Variants in SYT9 observed in about 807,000 individuals in gnomAD.
SYT9 encodes the protein synaptotagmin-9.
SYT9 carries 22 observed loss-of-function variants against 48.4 expected under a neutral mutation model. That is an observed-to-expected ratio of 0.45 (90% confidence interval 0.32 to 0.65). The LOEUF (loss-of-function observed/expected upper bound fraction) is 0.65, where lower values mean the gene tolerates loss of function less well. Among genes scored for constraint, SYT9 ranks in the 30% least tolerant of loss-of-function variants. The probability of loss-of-function intolerance (pLI) is 0.03; values close to 1 mark genes in which losing one functional copy is unlikely to be tolerated. For missense variants in SYT9, 577 were observed against 622.0 expected, an observed-to-expected ratio of 0.93 and a Z score of 0.77; for synonymous variants, 265 against 245.0, an observed-to-expected ratio of 1.08 and a Z score of -0.76.
intron 6 of SYT9, chr11:7,435,702 C>T (rs1004180010): frequency 1.3e-5 from 2 of 152,170 alleles, no homozygotes; most frequent in African/African-American, 2.4e-5. Flanking sequence ...GCTGAAAGGC[C>T]GGGCGCAGTG....
At chr11:7,369,794 A>C (rs187156382) in intron 3 of SYT9, among the ~76,000 whole-genome samples, 33 of 143,956 alleles carry the variant, frequency 2.3e-4, no homozygotes, top group African/African-American at 3.3e-4. Flanking sequence ...CACACACACA[A>C]ACACACACAC....
intron 3 of SYT9, among the ~76,000 whole-genome samples, chr11:7,377,316 A>G (rs1589982822): frequency 6.6e-6 from 1 of 152,030 alleles, no homozygotes; most frequent in Non-Finnish European, 1.5e-5. Context: ...AGAGAGTGAG[A>G]GAGAATTATT....
intron 3 of SYT9, among the ~76,000 whole-genome samples, chr11:7,355,917 T>A (rs1245624719): frequency 6.6e-6 from 1 of 152,198 alleles, no homozygotes; most frequent in East Asian, 1.9e-4. Flanking sequence ...TTCCTGATTG[T>A]CTTGTGTCTA....
intron 3 of SYT9, among the ~76,000 whole-genome samples, chr11:7,339,647 G>T (rs541970687): frequency 2.2e-4 from 34 of 152,216 alleles, no homozygotes; most frequent in African/African-American, 7.5e-4. Flanking sequence ...CCTGGTTGAA[G>T]ATTTTTTTTT....
chr11:7,313,328 C>T (rs961756409), intron 2 of SYT9, 67 bp from the exon 3 acceptor site: 1 of 1,500,218 alleles, frequency 6.7e-7, no homozygotes, highest in Admixed American at 2.3e-5. Flanking sequence ...ACATCCCAGG[C>T]AAAAGTTTCT....
chr11:7,250,069 G>C (rs1424474189), upstream of SYT9, among the ~76,000 whole-genome samples: 1 of 152,052 alleles, frequency 6.6e-6, no homozygotes, highest in Non-Finnish European at 1.5e-5. Flanking sequence ...TGGCAACTCA[G>C]TTTCTACCTT....
chr11:7,420,462 A>C, intron 5 of SYT9, 44 bp from the exon 6 acceptor site: 3 of 1,609,482 alleles, frequency 1.9e-6, no homozygotes, highest in Non-Finnish European at 2.5e-6. Context: ...TTGATCTTAC[A>C]TACCAAAATT....
intron 1 of SYT9, among the ~76,000 whole-genome samples, chr11:7,243,421 T>A (rs1433953899): frequency 2.0e-5 from 3 of 152,216 alleles, no homozygotes; most frequent in Non-Finnish European, 4.4e-5. Flanking sequence ...TTTTCTATGG[T>A]CTCTGAATAA....
intron 1 of SYT9, among the ~76,000 whole-genome samples, chr11:7,287,647 C>G (rs7103951): frequency 0.077 from 11,750 of 152,190 alleles, 623 homozygotes; most frequent in African/African-American, 0.15. Flanking sequence ...TCTTAGAAGG[C>G]GAGAAGGCAT....
At chr11:7,421,936 C>G (rs927928588) in intron 6 of SYT9, among the ~76,000 whole-genome samples, 5 of 152,208 alleles carry the variant, frequency 3.3e-5, no homozygotes, top group Non-Finnish European at 5.9e-5. Flanking sequence ...TGAAGCATCT[C>G]TCCTTCATGC....
chr11:7,376,032 A>G (rs1850446590), intron 3 of SYT9, among the ~76,000 whole-genome samples: 1 of 152,050 alleles, frequency 6.6e-6, no homozygotes, highest in Non-Finnish European at 1.5e-5. Flanking sequence ...TAAAAGTAAC[A>G]GTTTTCACCA....
chr11:7,304,879 C>T (rs1460993008), intron 2 of SYT9, among the ~76,000 whole-genome samples: 3 of 152,128 alleles, frequency 2.0e-5, no homozygotes, highest in Non-Finnish European at 2.9e-5. Flanking sequence ...GATAGAGTCT[C>T]CATTGAAATT....
chr11:7,352,278 G>A (rs748015420), intron 3 of SYT9, among the ~76,000 whole-genome samples: 2 of 152,170 alleles, frequency 1.3e-5, no homozygotes, highest in Non-Finnish European at 2.9e-5. Flanking sequence ...TTTGTATTCA[G>A]TTGATGTCTA....
intron 6 of SYT9, chr11:7,439,133 A>G (rs1847774834): frequency 6.6e-6 from 1 of 152,256 alleles, no homozygotes; most frequent in South Asian, 2.1e-4. Flanking sequence ...AACCTACTTT[A>G]ACAGAAAGCA....
At chr11:7,432,689 T>G (rs12284552) in intron 6 of SYT9, among the ~76,000 whole-genome samples, 3 of 146,390 alleles carry the variant, frequency 2.0e-5, no homozygotes, top group Non-Finnish European at 4.5e-5. Context: ...TCTAGCCCCT[T>G]TCTTTTGGTC....
At chr11:7,392,167 A>T (rs1846636018) in intron 3 of SYT9, among the ~76,000 whole-genome samples, 1 of 152,094 alleles carries the variant, frequency 6.6e-6, no homozygotes, top group East Asian at 1.9e-4. Context: ...GGACTTAGTC[A>T]TACATTATTT....
At chr11:7,396,232 C>T (rs1799252934) in intron 3 of SYT9, among the ~76,000 whole-genome samples, 1 of 152,128 alleles carries the variant, frequency 6.6e-6, no homozygotes, top group Admixed American at 6.6e-5. Context: ...ATCTTTTCCT[C>T]CTACTCCTGG....
At chr11:7,316,008 A>G (rs184663913) in intron 3 of SYT9, among the ~76,000 whole-genome samples, 3 of 151,768 alleles carry the variant, frequency 2.0e-5, no homozygotes, top group Non-Finnish European at 4.4e-5. Context: ...ATTACAGGCT[A>G]TTTCATAGTC....
intron 3 of SYT9, among the ~76,000 whole-genome samples, chr11:7,321,604 A>G (rs907494194): frequency 3.9e-5 from 6 of 152,216 alleles, no homozygotes; most frequent in African/African-American, 1.4e-4. Flanking sequence ...TTCAAGGGCA[A>G]CTCAGTAATG....
Sources: gnomAD v4.1 joint callset for allele counts (sites outside exome capture counted in the v4.1 genomes callset) on GRCh38, gnomAD v4.1.1 for gene constraint, MANE v1.5 for transcripts, NCBI Gene and HGNC (gene_info 2026-07-23, HGNC 2026-07-21) for gene names.